The following PAIP2 variants were observed in gnomAD, a reference collection of about 807,000 sequenced individuals.
The protein encoded by PAIP2 is polyadenylate-binding protein-interacting protein 2.
A neutral mutation model predicts 14.8 loss-of-function variants in PAIP2; 7 were observed. The ratio of observed to expected loss-of-function variants is 0.47; its 90% CI spans 0.27 to 0.89. PAIP2 has a LOEUF of 0.89. PAIP2 is among the 40% of genes least tolerant of loss of function. The pLI, the probability that PAIP2 is intolerant of heterozygous loss-of-function variation, is 0.13. For synonymous variants in PAIP2, 47 were observed against 45.3 expected (o/e 1.04, Z -0.15); for missense variants, 122 against 154.7 (o/e 0.79, Z 1.12).
Position 139,360,461 on chromosome 5 carries a change from T to G in PAIP2, c.-26-3298T>G, listed in dbSNP as rs116097869. Among the ~76,000 whole-genome samples the G allele has an allele frequency of 2.9e-3, 437 of 152,292 alleles. 2 individuals carry two copies. Among genetic ancestry groups the G allele is most frequent in the Non-Finnish European group, 5.0e-3 (340 of 68,022 alleles). ...CTACTAACACCATAGCACATAACTC[T>G]GAGTCTGTTTCTGCCTTTCTTCTTT... is the stretch of plus-strand genomic sequence containing the variant. On this transcript the variant is annotated intron_variant, in intron 1 of 3. Transcript: ENST00000265192.
chr5:139,347,134 A>G (rs554221833), intron 1 of PAIP2, among the ~76,000 whole-genome samples: 1 of 152,274 alleles, frequency 6.6e-6, no homozygotes, highest in African/African-American at 2.4e-5. Context: ...AAAAGGAAAG[A>G]AAATTGATTT....
rs1010512049 is a variant in PAIP2 at position 139,368,666 on chromosome 5, G to A, written c.319-67G>A. 3 of 1,048,250 alleles carry A rather than the reference G, an allele frequency of 2.9e-6. No individual in the cohort carries two copies. In the African/African-American group the frequency reaches 4.7e-5, roughly 17 times the overall value. The allele number at this position is 1,048,250 out of a possible 1,614,324, so 64.9% of individuals were successfully genotyped here. On this transcript the variant is annotated intron_variant, in intron 3 of 3. Coordinates refer to ENST00000265192, the MANE Select transcript of PAIP2 (RefSeq NM_016480.5). ...TTTTTGGAAGATGTTTTTGCATGAGGATCTAGATTGAATTAGTACCTGAAA... is the reference window on the plus strand; with the variant it reads ...TTTTTGGAAGATGTTTTTGCATGAGAATCTAGATTGAATTAGTACCTGAAA...
chr5:139,369,008 G>A lies in PAIP2; in HGVS notation c.*210G>A. 4.5e-6 allele frequency: 2 copies of A among 443,928 alleles called. No individual in the cohort carries two copies. Among genetic ancestry groups the A allele is most frequent in the Admixed American group, 4.2e-5 (1 of 23,900 alleles). 27.5% of individuals were successfully genotyped at this position (443,928 alleles called of 1,614,324 possible). ...TTACTGAAAATAGAATTGGCCCCAT[G>A]GCTTGATGTGAAGACAGCAAGGAAA... On this transcript the variant is annotated 3_prime_UTR_variant, in exon 4 of 4. Transcript: ENST00000265192.
At chr5:139,357,570 C>T (rs376521222) in intron 1 of PAIP2, among the ~76,000 whole-genome samples, 4 of 152,186 alleles carry the variant, frequency 2.6e-5, no homozygotes, top group African/African-American at 7.2e-5. Context: ...CCGTGGCTCA[C>T]GCCTGTAATC....
At chr5:139,359,697 C>T (rs970874918) in intron 1 of PAIP2, among the ~76,000 whole-genome samples, 4 of 151,538 alleles carry the variant, frequency 2.6e-5, no homozygotes, top group African/African-American at 7.3e-5. Context: ...CGGCCGGACA[C>T]GGTGGCTCAT....
At chr5:139,358,732 T>C (rs780654301) in intron 1 of PAIP2, among the ~76,000 whole-genome samples, 14 of 152,152 alleles carry the variant, frequency 9.2e-5, no homozygotes, top group Admixed American at 5.2e-4. Context: ...TTGAAAACAT[T>C]GTAATAAGTG....
intron 1 of PAIP2, chr5:139,343,075 T>C (rs955477680): frequency 1.3e-5 from 2 of 152,230 alleles, no homozygotes; most frequent in African/African-American, 4.8e-5. Context: ...TTTCATTAAG[T>C]CGCTTTTGAA....
chr5:139,364,706 T>G lies in PAIP2; in HGVS notation c.281T>G (p.Leu94Arg). 6.2e-7 allele frequency: 1 copy of G among 1,612,534 alleles called. No individual in the cohort carries two copies. Among genetic ancestry groups the G allele is most frequent in the East Asian group, 2.2e-5 (1 of 44,848 alleles). The change falls in exon 3 of 4, where the codon CTT becomes CGT. Residue 94 changes from leucine to arginine, a missense_variant. Coordinates refer to ENST00000265192, the MANE Select transcript of PAIP2 (RefSeq NM_016480.5). ...MDQIQDQFND[L>R]VISDGSSLED... ...CAAATCCAAGACCAGTTTAATGACC[T>G]TGTTATCAGTGATGGCTCTTCTCTG...
In PAIP2 at chr5:139,364,656, T is replaced by C. The variant is rs374919411; in HGVS notation, c.231T>C (p.Ala77=). 68 of 1,611,330 alleles carry C rather than the reference T, an allele frequency of 4.2e-5. No individual in the cohort carries two copies. Among genetic ancestry groups the C allele is most frequent in the Non-Finnish European group, 5.8e-5 (68 of 1,177,922 alleles). Residue 77 remains alanine (A), a synonymous_variant, in exon 3 of 4, where the codon GCT becomes GCC. Coordinates refer to ENST00000265192, the MANE Select transcript of PAIP2 (RefSeq NM_016480.5). The part of the protein sequence containing the change: ...EEEEHEWFIP[A]RDLPQTMDQI... ...AAGAGCATGAATGGTTTATTCCAGC[T>C]CGAGATCTCCCACAAACTATGGACC...
At chr5:139,365,188 A>T (rs929157758) in intron 3 of PAIP2, 1 of 148,740 alleles carries the variant, frequency 6.7e-6, no homozygotes, top group African/African-American at 2.5e-5. Flanking sequence ...TAAATAGAAT[A>T]AAAAATACAA....
intron 1 of PAIP2, among the ~76,000 whole-genome samples, chr5:139,352,829 A>G (rs1328115322): frequency 6.6e-6 from 1 of 151,532 alleles, no homozygotes; most frequent in East Asian, 2.0e-4. Context: ...AGATAGTAAC[A>G]GATGAGGCTG....
At chr5:139,349,240 C>CTGT (rs369569286) in intron 1 of PAIP2, among the ~76,000 whole-genome samples, 156 of 151,724 alleles carry the variant, frequency 1.0e-3, no homozygotes, top group African/African-American at 3.4e-3. Context: ...TTGTTTTTTG[C>CTGT]TGTTGTTGTT....
At chr5:139,352,673 G>A (rs1350705703) in intron 1 of PAIP2, among the ~76,000 whole-genome samples, 1 of 151,140 alleles carries the variant, frequency 6.6e-6, no homozygotes, top group African/African-American at 2.4e-5. Context: ...GTTTCTCCAT[G>A]TTGGTCAGGC....
At chr5:139,354,069 A>G (rs1756834496) in intron 1 of PAIP2, among the ~76,000 whole-genome samples, 1 of 152,152 alleles carries the variant, frequency 6.6e-6, no homozygotes, top group African/African-American at 2.4e-5. Context: ...AAGCCAAAAT[A>G]TGTTATTACA....
chr5:139,353,781 G>A (rs560114899), intron 1 of PAIP2, among the ~76,000 whole-genome samples: 98 of 150,728 alleles, frequency 6.5e-4, no homozygotes, highest in Non-Finnish European at 9.4e-4. Flanking sequence ...GTGCAGTGGC[G>A]CTGTCTCGAC....
In PAIP2 at chr5:139,344,595, T is replaced by C. The variant is rs76082133; in HGVS notation, c.-27+2615T>C. 5.4e-4 allele frequency among the ~76,000 whole-genome samples: 83 copies of C among 152,344 alleles called. No homozygotes were observed. The East Asian group carries it at 0.016, about 29-fold the overall frequency. ...TAATTAAATAGATCTGTGTAGCCGA[T>C]GGCCACCATATTGGATGGGCACACG... On this transcript the variant is annotated intron_variant, in intron 1 of 3. Coordinates refer to ENST00000265192, the MANE Select transcript of PAIP2 (RefSeq NM_016480.5).
At position 139,341,879 on chromosome 5, in the gene PAIP2, C is replaced by G. The variant is rs1041309738; in HGVS notation, c.-128C>G. 1 of 152,810 alleles carries G rather than the reference C, an allele frequency of 6.5e-6. No homozygotes were observed. The highest frequency in any genetic ancestry group is 2.4e-5 in the African/African-American group (1 of 41,458). 9.5% of individuals were successfully genotyped at this position (152,810 alleles called of 1,614,324 possible). The stretch of plus-strand genomic sequence containing the variant: ...GTTTGTTTGGACTGGAGAAGGGAGG[C>G]GGCGGGCGAAGCGCACGTCGAGCGG... On this transcript the variant is annotated 5_prime_UTR_variant, in exon 1 of 4. Transcript: ENST00000265192.
In PAIP2 at chr5:139,352,495, T is replaced by TTTG. The variant is rs1472501426; in HGVS notation, c.-27+10517_-27+10518insGTT. On this transcript the variant is annotated intron_variant, in intron 1 of 3. Transcript: ENST00000265192. ...CTCAGTTAATTCCTGCCAGTTTTTT[T>TTTG]TTTGTTGTTTTTTTTTTTTGAGATG... 3.4e-4 allele frequency among the ~76,000 whole-genome samples: 32 copies of TTTG among 93,842 alleles called. 1 individual carries two copies. The highest frequency in any genetic ancestry group is 7.8e-4 in the Non-Finnish European group (25 of 32,106). The allele number at this position is 93,842 out of a possible 152,430, so 61.6% of individuals were successfully genotyped here. A position where few individuals can be genotyped will look rare whatever the true frequency, so the allele number is the denominator to read the frequency against.
chr5:139,353,768 G>T (rs1756824835), intron 1 of PAIP2, among the ~76,000 whole-genome samples: 1 of 150,018 alleles, frequency 6.7e-6, no homozygotes, highest in Admixed American at 6.7e-5. Context: ...GGCCCAGGCT[G>T]GAGTGCAGTG....
Sources: gnomAD v4.1 joint callset for allele counts (sites outside exome capture counted in the v4.1 genomes callset) on GRCh38, gnomAD v4.1.1 for gene constraint, MANE v1.5 for transcripts, NCBI Gene and HGNC (gene_info 2026-07-23, HGNC 2026-07-21) for gene names.